NSUN5: variants seen among roughly 807,000 people sequenced by gnomAD.
NSUN5 encodes 28S rRNA (cytosine-C(5))-methyltransferase.
A neutral mutation model predicts 51.1 loss-of-function variants in NSUN5; 39 were observed. That is an observed-to-expected ratio of 0.76 (90% CI 0.59 to 1.00). NSUN5 has a LOEUF of 1.00. Among genes scored for constraint, NSUN5 ranks in the 50% least tolerant of loss-of-function variants. NSUN5 has a pLI of 0.00. For synonymous variants in NSUN5, 266 were observed against 271.5 expected, an observed-to-expected ratio of 0.98 and a Z score of 0.20; for missense variants, 526 against 614.0, an observed-to-expected ratio of 0.86 and a Z score of 1.51.
intron 7 of NSUN5, 75 bp from the exon 8 acceptor site, chr7:73,304,111 A>G: frequency 6.4e-7 from 1 of 1,574,390 alleles, no homozygotes; most frequent in Non-Finnish European, 8.7e-7. Flanking sequence ...CACAGAGGAG[A>G]ACTTTTGTCC....
At chr7:73,307,935 A>C in intron 2 of NSUN5, 178 bp from the exon 3 acceptor site, 1 of 635,602 alleles carries the variant, frequency 1.6e-6, no homozygotes, top group Non-Finnish European at 2.7e-6. Context: ...ACAGGATCGG[A>C]ACCTGGCGTC....
intron 2 of NSUN5, 157 bp from the exon 3 acceptor site, chr7:73,307,914 T>A (rs1804112567): frequency 7.2e-6 from 5 of 696,810 alleles, no homozygotes; most frequent in Non-Finnish European, 1.2e-5. Context: ...ACACCAGAAA[T>A]TAACTACAGA....
rs1554542135 is a variant in NSUN5 at position 73,307,720 on chromosome 7, C to G, written c.254G>C (p.Arg85Pro). The G allele has an allele frequency of 6.3e-7, 1 of 1,584,488 alleles. No homozygotes were observed. The highest frequency in any genetic ancestry group is 8.6e-7 in the Non-Finnish European group (1 of 1,165,612). Residue 85 changes from arginine to proline, a missense_variant, in exon 3 of 10, where the codon CGA (arginine) becomes CCA (proline). Coordinates refer to ENST00000438747, the MANE Select transcript of NSUN5 (RefSeq NM_148956.4). ...AGCCTTCCATCGGCCCCCACCCCCT[C>G]GAAAGCCCTTTCCCAACAACAACTC... ...VYELLLGKGF[R>P]GGGGRWKALL...
intron 4 of NSUN5, among the ~76,000 whole-genome samples, chr7:73,305,636 G>A (rs1804009741): frequency 6.6e-6 from 1 of 151,982 alleles, no homozygotes; most frequent in Non-Finnish European, 1.5e-5. Context: ...GGGATGCAGG[G>A]AGGTGAGAGC....
Position 73,307,488 on chromosome 7 carries a change from G to A in NSUN5, c.406C>T (p.Arg136Ter), listed in dbSNP as rs1287716331. The A allele has an allele frequency of 2.5e-6, 4 of 1,613,970 alleles. No homozygotes were observed. Among genetic ancestry groups the A allele is most frequent in the African/African-American group, 2.7e-5 (2 of 74,878 alleles). ...TTGAGAGTGTTCACACGCACAAATC[G>A]AGGCAGCTGGGAGGCTACGTAGGAC... ...SRPGPASQLP[R>*]FVRVNTLKTC... The change falls in exon 4 of 10, where the codon CGA (arginine) becomes TGA (stop). Residue 136 changes from arginine (R) to a stop codon, truncating the protein, a stop_gained. Transcript: ENST00000438747. LOFTEE classifies it high-confidence loss of function.
rs1803870860 is a variant in NSUN5 at position 73,303,195 on chromosome 7, TGTGACA to T, written c.*214_*219del. Reference sequence around the variant, plus strand: ...ATGAATGTGAGATTTTTCTCCTGCTTGTGACATTAAGAATAAAAAACTGTGATCTAT... The same window carrying T: ...ATGAATGTGAGATTTTTCTCCTGCTTTTAAGAATAAAAAACTGTGATCTAT... On this transcript the variant is annotated 3_prime_UTR_variant, in exon 10 of 10. Transcript: ENST00000438747. The T allele has an allele frequency of 2.0e-6, 3 of 1,468,768 alleles. No homozygotes were observed. Among genetic ancestry groups the T allele is most frequent in the Non-Finnish European group, 2.7e-6 (3 of 1,109,440 alleles). The allele number at this position is 1,468,768 out of a possible 1,614,324, so 91.0% of individuals were successfully genotyped here. A position where few individuals can be genotyped will look rare whatever the true frequency, so the allele number is the denominator to read the frequency against.
At chr7:73,307,552 C>T (rs1205003963) in intron 3 of NSUN5, 31 bp downstream of exon 3, 3 of 1,552,736 alleles carry the variant, frequency 1.9e-6, no homozygotes, top group Non-Finnish European at 2.7e-6. Context: ...AGTTCCCCGC[C>T]TCCCCCACCC....
Position 73,307,736 on chromosome 7 carries a change from A to G in NSUN5, c.238T>C (p.Leu80=), listed in dbSNP as rs1804104759. Residue 80 remains leucine (L), a synonymous_variant, in exon 3 of 10, where the codon TTG becomes CTG. Coordinates refer to ENST00000438747, the MANE Select transcript of NSUN5 (RefSeq NM_148956.4). ...CCACCCCCTCGAAAGCCCTTTCCCA[A>G]CAACAACTCATACACTAGCACCTGG... ...LAKVLVYELL[L]GKGFRGGGGR... 2.5e-6 allele frequency: 4 copies of G among 1,571,904 alleles called. No individual in the cohort carries two copies. Among genetic ancestry groups the G allele is most frequent in the African/African-American group, 1.4e-5 (1 of 73,626 alleles).
rs782626622 is a variant in NSUN5 at position 73,305,019 on chromosome 7, G to C, written c.579C>G (p.Ala193=). 1 of 1,611,040 alleles carries C rather than the reference G, an allele frequency of 6.2e-7. No individual in the cohort carries two copies. The highest frequency in any genetic ancestry group is 8.5e-7 in the Non-Finnish European group (1 of 1,177,818). Residue 193 remains alanine (A), a synonymous_variant, in exon 5 of 10, where the codon GCC becomes GCG. Transcript: ENST00000438747. ...PLMPELLVFP[A]QTDLHEHPLY... is the part of the protein sequence containing the mutation. Reference sequence around the variant, plus strand: ...GTGGGTGTTCATGCAGATCTGTCTGGGCGGGAAACACCAGCAGCTCCGGCA... The same window carrying C: ...GTGGGTGTTCATGCAGATCTGTCTGCGCGGGAAACACCAGCAGCTCCGGCA...
In NSUN5 at chr7:73,305,076, G is replaced by A. The variant is rs782431404; in HGVS notation, c.522C>T (p.Leu174=). Residue 174 remains leucine, a synonymous_variant, in exon 5 of 10, where the codon CTC becomes CTT. Coordinates refer to ENST00000438747, the MANE Select transcript of NSUN5 (RefSeq NM_148956.4). ...GGTCCAGGAGAAAATGCTTCCCCTT[G>A]AGGGCTCGTAAGTCATCGAGGCTGC... is the stretch of plus-strand genomic sequence containing the variant. ...RASSLDDLRA[L]KGKHFLLDPL... 1.2e-5 allele frequency: 19 copies of A among 1,610,380 alleles called. No homozygotes were observed. Among genetic ancestry groups the A allele is most frequent in the Non-Finnish European group, 1.6e-5 (19 of 1,177,776 alleles).
intron 6 of NSUN5, 121 bp downstream of exon 6, chr7:73,304,626 C>A: frequency 1.0e-6 from 1 of 972,710 alleles, no homozygotes; most frequent in Non-Finnish European, 1.6e-6. Context: ...GGGGCAAATA[C>A]CGTGAACTGC....
chr7:73,308,129 G>A (rs141077039), intron 2 of NSUN5: 16,204 of 462,904 alleles, frequency 0.035, 409 homozygotes, highest in Non-Finnish European at 0.049. Context: ...GACCTCCTGG[G>A]CTCAAGTGAT....
chr7:73,308,811 C>T lies in NSUN5; in HGVS notation c.-21G>A, dbSNP rs1379854010. 3.1e-6 allele frequency: 5 copies of T among 1,607,974 alleles called. No individual in the cohort carries two copies. Among genetic ancestry groups the T allele is most frequent in the Non-Finnish European group, 4.3e-6 (5 of 1,175,718 alleles). ...CCCATGTTCCCGCGCGCCTTTACGG[C>T]TCTGTGGCAAAACGCACCCGGCTCG... On this transcript the variant is annotated 5_prime_UTR_variant, in exon 1 of 10. Coordinates refer to ENST00000438747, the MANE Select transcript of NSUN5 (RefSeq NM_148956.4).
Position 73,303,987 on chromosome 7 carries a change from C to T in NSUN5, c.984G>A (p.Pro328=), listed in dbSNP as rs142509909. ...LEEPGAGTPS[P]VRLHALAGFQ... is the part of the protein sequence containing the mutation. The stretch of plus-strand genomic sequence containing the variant: ...ACCCTGCCAGGGCATGCAGACGCAC[C>T]GGGCTAGGTGTGCCTGCCCCGGGCT... Residue 328 remains proline, a synonymous_variant, in exon 8 of 10, where the codon CCG becomes CCA. Transcript: ENST00000438747. 17 of 1,614,030 alleles carry T rather than the reference C, an allele frequency of 1.1e-5. No individual in the cohort carries two copies. The highest frequency in any genetic ancestry group is 3.3e-5 in the Admixed American group (2 of 60,000).
At chr7:73,305,916 G>A (rs1804020523) in intron 4 of NSUN5, among the ~76,000 whole-genome samples, 1 of 152,188 alleles carries the variant, frequency 6.6e-6, no homozygotes, top group African/African-American at 2.4e-5. Context: ...GAGAAAGGGA[G>A]AGGGGCAGAG....
intron 6 of NSUN5, 29 bp from the exon 7 acceptor site, chr7:73,304,437 C>T (rs782479187): frequency 1.4e-4 from 217 of 1,590,652 alleles, no homozygotes; most frequent in Non-Finnish European, 1.7e-4. Context: ...GAGCTGAGCA[C>T]GCATGGAGCA....
At chr7:73,306,935 G>A (rs1377481380) in intron 4 of NSUN5, among the ~76,000 whole-genome samples, 2 of 152,178 alleles carry the variant, frequency 1.3e-5, no homozygotes. Context: ...TAAATGATTG[G>A]AGGGAGGAGA....
chr7:73,304,163 A>G, intron 7 of NSUN5, 67 bp downstream of exon 7: 4 of 1,557,440 alleles, frequency 2.6e-6, no homozygotes, highest in Non-Finnish European at 3.5e-6. Context: ...AGACCAAAAC[A>G]AATGACTCCA....
In NSUN5 at chr7:73,304,357, C is replaced by T. The variant is rs782023386; in HGVS notation, c.807G>A (p.Thr269=). Residue 269 remains threonine, a synonymous_variant, in exon 7 of 10, where the codon ACG becomes ACA. Transcript: ENST00000438747. The part of the protein sequence containing the change: ...LDAKRLASMA[T]LLARAGVSCC... ...AAGAGACGCCAGCCCGGGCCAGCAGCGTGGCCATGGATGCCAGCCGCTTGG... is the reference window on the plus strand; with the variant it reads ...AAGAGACGCCAGCCCGGGCCAGCAGTGTGGCCATGGATGCCAGCCGCTTGG... The T allele has an allele frequency of 6.2e-6, 10 of 1,613,798 alleles. No individual in the cohort carries two copies. Among genetic ancestry groups the T allele is most frequent in the Admixed American group, 1.7e-5 (1 of 59,966 alleles).
Sources: allele counts gnomAD v4.1 joint callset (sites outside exome capture counted in the v4.1 genomes callset), GRCh38; gene constraint gnomAD v4.1.1; transcripts MANE v1.5; gene names NCBI Gene and HGNC (gene_info 2026-07-23, HGNC 2026-07-21).